The following XPO6 variants were observed in gnomAD, a reference collection of about 807,000 sequenced individuals.
XPO6 encodes the protein exportin 6.
Under a neutral mutation model 130.0 loss-of-function variants are expected in XPO6, and 3 were observed. That is an observed-to-expected ratio of 0.02 (90% CI 0.01 to 0.06). XPO6 has a LOEUF of 0.06. Ranked by LOEUF, XPO6 falls within the 10% of genes least tolerant of loss-of-function variation. The pLI is 1.00. For synonymous variants in XPO6, 524 were observed against 548.9 expected (o/e 0.95, Z 0.63); for missense variants, 970 against 1,393.0 (o/e 0.70, Z 4.83).
chr16:28,211,726 G>A lies in XPO6; in HGVS notation c.-358C>T, dbSNP rs879798290. The A allele has an allele frequency of 3.0e-3, 1,113 of 368,026 alleles. 3 individuals are homozygous for A. The highest frequency in any genetic ancestry group is 4.7e-3 in the Non-Finnish European group (963 of 206,700). The allele number at this position is 368,026 out of a possible 1,614,324, so 22.8% of individuals were successfully genotyped here. A position where few individuals can be genotyped will look rare whatever the true frequency, so the allele number is the denominator to read the frequency against. ...CAGGCAGGGGCTCCCCGGCCTCCGC[G>A]GGCAGAGGTGGCGGCGGCCCCGGCC... On this transcript the variant is annotated 5_prime_UTR_variant, in exon 1 of 24. Transcript: ENST00000304658.
intron 2 of XPO6, among the ~76,000 whole-genome samples, chr16:28,178,459 A>C (rs28497515): frequency 1 from 151,370 of 151,976 alleles, 75,391 homozygotes; most frequent in Middle Eastern, 1. Flanking sequence ...GTCCTAGTTA[A>C]TCAAGAGGCT....
chr16:28,147,156 C>T (rs1240882145), intron 8 of XPO6, among the ~76,000 whole-genome samples: 1 of 152,214 alleles, frequency 6.6e-6, no homozygotes, highest in African/African-American at 2.4e-5. Flanking sequence ...TGCTGATCCA[C>T]ATGGAAATCT....
chr16:28,131,371 G>A (rs935774734), intron 12 of XPO6, among the ~76,000 whole-genome samples: 4 of 152,202 alleles, frequency 2.6e-5, no homozygotes, highest in Non-Finnish European at 4.4e-5. Flanking sequence ...ACACTGGGCG[G>A]CTCTGTGCTG....
intron 17 of XPO6, chr16:28,111,570 C>T: frequency 2.5e-6 from 1 of 407,632 alleles, no homozygotes; most frequent in African/African-American, 2.0e-5. Flanking sequence ...TCTTAGGGCT[C>T]CAGCATTTTT....
intron 10 of XPO6, 123 bp from the exon 11 acceptor site, chr16:28,134,056 G>T: frequency 1.1e-6 from 1 of 922,232 alleles, no homozygotes; most frequent in Non-Finnish European, 1.6e-6. Context: ...AGGTTATCTG[G>T]TACTATAAAA....
At chr16:28,202,525 G>A in intron 1 of XPO6, among the ~76,000 whole-genome samples, 1 of 152,170 alleles carries the variant, frequency 6.6e-6, no homozygotes, top group Admixed American at 6.5e-5. Flanking sequence ...TCAGGACACA[G>A]ATACGTTAGC....
intron 12 of XPO6, among the ~76,000 whole-genome samples, chr16:28,126,275 G>A (rs575828916): frequency 6.6e-6 from 1 of 152,268 alleles, no homozygotes; most frequent in East Asian, 1.9e-4. Context: ...CTCCAAATCT[G>A]GTTCCTTTAG....
At chr16:28,206,717 G>C (rs1168077961) in intron 1 of XPO6, among the ~76,000 whole-genome samples, 1 of 152,076 alleles carries the variant, frequency 6.6e-6, no homozygotes, top group East Asian at 1.9e-4. Context: ...GTCATTTCTT[G>C]ACAGGTAACT....
At chr16:28,163,938 A>G (rs529928848) in intron 6 of XPO6, among the ~76,000 whole-genome samples, 1 of 152,296 alleles carries the variant, frequency 6.6e-6, no homozygotes, top group Non-Finnish European at 1.5e-5. Flanking sequence ...GAGGTGAGTG[A>G]TCACTATTGC....
At chr16:28,130,488 G>GT (rs1245856472) in intron 12 of XPO6, among the ~76,000 whole-genome samples, 1 of 152,172 alleles carries the variant, frequency 6.6e-6, no homozygotes, top group Non-Finnish European at 1.5e-5. Flanking sequence ...TGTACTCAGA[G>GT]TTTCCATTTG....
intron 6 of XPO6, among the ~76,000 whole-genome samples, chr16:28,160,429 G>A (rs1320098794): frequency 6.8e-6 from 1 of 147,454 alleles, no homozygotes; most frequent in Non-Finnish European, 1.5e-5. Context: ...GCTTGCCCCT[G>A]GGAGGCGGAC....
chr16:28,125,446 T>G (rs1278387839), intron 13 of XPO6, among the ~76,000 whole-genome samples: 6 of 152,228 alleles, frequency 3.9e-5, no homozygotes, highest in African/African-American at 1.4e-4. Context: ...CAGTGCTAAG[T>G]GCTTTATCTC....
rs747093859 is a variant in XPO6 at position 28,112,917 on chromosome 16, C to T, written c.2138G>A (p.Arg713Gln). Residue 713 changes from arginine (R) to glutamine (Q), a missense_variant, in exon 16 of 24, where the codon CGA becomes CAA. This residue lies in a region of XPO6 where 936 missense variants were observed against 1,306.8 expected (regional missense o/e 0.72). Transcript: ENST00000304658. The part of the protein sequence containing the change: ...FNRITDASAL[R>Q]LVDKAQVLVC... The stretch of plus-strand genomic sequence containing the variant: ...CTGGGGCCTCACCTTATCGACAAGT[C>T]GCAGGGCAGAGGCATCAGTGATTCT... 1.2e-5 allele frequency: 19 copies of T among 1,613,582 alleles called. No individual in the cohort carries two copies. The highest frequency in any genetic ancestry group is 1.7e-4 in the Middle Eastern group (1 of 6,052).
At chr16:28,155,453 C>CT (rs1403509100) in intron 7 of XPO6, 16 of 149,614 alleles carry the variant, frequency 1.1e-4, no homozygotes, top group African/African-American at 3.7e-4. Flanking sequence ...TTTTAGAGTG[C>CT]TTTTAAAAAA....
At chr16:28,109,718 A>G (rs2086872880) in intron 17 of XPO6, among the ~76,000 whole-genome samples, 1 of 152,240 alleles carries the variant, frequency 6.6e-6, no homozygotes, top group African/African-American at 2.4e-5. Context: ...TATAACAACC[A>G]AACACAATAA....
intron 7 of XPO6, chr16:28,153,491 T>A: frequency 2.0e-6 from 2 of 985,406 alleles, no homozygotes. Flanking sequence ...CCCAATCCAG[T>A]GCTCTTTCTT....
intron 1 of XPO6, among the ~76,000 whole-genome samples, chr16:28,210,503 T>C (rs74014265): frequency 0.054 from 8,268 of 152,270 alleles, 575 homozygotes; most frequent in East Asian, 0.17. Context: ...GAAGGAGCTG[T>C]GTATACCGCA....
chr16:28,121,038 G>A (rs1292627389), intron 14 of XPO6, among the ~76,000 whole-genome samples: 2 of 152,226 alleles, frequency 1.3e-5, no homozygotes, highest in African/African-American at 4.8e-5. Flanking sequence ...TGAAATCTCT[G>A]GGATACTGCC....
In XPO6 at chr16:28,169,767, A is replaced by G. The variant is rs2043419536; in HGVS notation, c.548T>C (p.Val183Ala). 1.2e-6 allele frequency: 2 copies of G among 1,613,836 alleles called. No homozygotes were observed. Among genetic ancestry groups the G allele is most frequent in the Non-Finnish European group, 1.7e-6 (2 of 1,179,954 alleles). Residue 183 changes from valine (V) to alanine (A), a missense_variant, in exon 5 of 24, where the codon GTG becomes GCG. Around this residue, in one of 4 missense-constraint regions of XPO6, gnomAD observed 936 missense variants for 1,306.8 expected, o/e 0.72. Transcript: ENST00000304658. ...CTGCTCACCTGTCAGTAGCCCAAGC[A>G]CTGTCTGCACCTGGTCCAGTAGCAG... is the stretch of plus-strand genomic sequence containing the variant. ...RKLLLDQVQT[V>A]LGLLTGILET... is the part of the protein sequence containing the mutation.
Sources: allele counts gnomAD v4.1 joint callset (sites outside exome capture counted in the v4.1 genomes callset), GRCh38; gene constraint gnomAD v4.1.1; regional missense constraint gnomAD v4.1.1; transcripts MANE v1.5; gene names NCBI Gene and HGNC (gene_info 2026-07-23, HGNC 2026-07-21).